SLC6A13: variants seen among roughly 807,000 people sequenced by gnomAD.
SLC6A13 encodes solute carrier family 6 member 13.
In SLC6A13, 69 loss-of-function variants were observed where a neutral mutation model predicts 72.9. That is an observed-to-expected ratio of 0.95 (90% CI 0.78 to 1.16). SLC6A13 has a LOEUF of 1.16. Ranked by LOEUF, SLC6A13 falls within the 50% of genes most tolerant of loss-of-function variation. The pLI is 0.00. For missense variants in SLC6A13, 735 were observed against 760.5 expected, an observed-to-expected ratio of 0.97 and a Z score of 0.39; for synonymous variants, 303 against 303.0, an observed-to-expected ratio of 1.00 and a Z score of 0.00.
intron 7 of SLC6A13, among the ~76,000 whole-genome samples, chr12:233,877 C>T (rs539637240): frequency 2.0e-4 from 31 of 152,234 alleles, no homozygotes; most frequent in Non-Finnish European, 3.1e-4. Context: ...TGAACCACAG[C>T]GGCTCCAGCT....
At chr12:225,783 A>T (rs1941424923) in intron 9 of SLC6A13, among the ~76,000 whole-genome samples, 1 of 152,228 alleles carries the variant, frequency 6.6e-6, no homozygotes, top group African/African-American at 2.4e-5. Flanking sequence ...AAGGTAAAAA[A>T]ATCATATTAT....
chr12:220,902 C>T lies in SLC6A13; in HGVS notation c.*46G>A, dbSNP rs767672511. ...TGCTTCTGCCACGTTCCCTCCACAG[C>T]CATCCCCAAGGCCAGGCACACAGGC... On this transcript the variant is annotated 3_prime_UTR_variant, in exon 15 of 15. Transcript: ENST00000343164. The T allele has an allele frequency of 3.1e-6, 5 of 1,605,878 alleles. No homozygotes were observed. The highest frequency in any genetic ancestry group is 1.1e-5 in the South Asian group (1 of 90,614).
chr12:260,061 G>A lies in SLC6A13; in HGVS notation c.-5-4C>T, dbSNP rs767317011. 6.2e-6 allele frequency: 10 copies of A among 1,610,604 alleles called. No individual in the cohort carries two copies. In the East Asian group the frequency reaches 2.2e-4, roughly 36 times the overall value. ...GAGACCCTGCTATCCATCCCACCTG[G>A]AAAACAAGTGGGATGCTCTGTTACT... On this transcript the variant is annotated splice_polypyrimidine_tract_variant and splice_region_variant and intron_variant, in intron 1 of 14. Coordinates refer to ENST00000343164, the MANE Select transcript of SLC6A13 (RefSeq NM_016615.5).
At chr12:246,267 G>A (rs749490521) in intron 2 of SLC6A13, among the ~76,000 whole-genome samples, 5 of 152,174 alleles carry the variant, frequency 3.3e-5, no homozygotes, top group African/African-American at 9.6e-5. Flanking sequence ...GCAGTGAACC[G>A]AGATCGCTCC....
intron 2 of SLC6A13, among the ~76,000 whole-genome samples, chr12:248,386 A>T (rs913866614): frequency 2.7e-5 from 4 of 147,068 alleles, no homozygotes; most frequent in African/African-American, 1.0e-4. Context: ...CCTAGGCGAC[A>T]GCAAGACTCC....
chr12:227,593 A>G lies in SLC6A13; in HGVS notation c.907T>C (p.Tyr303His), dbSNP rs1345550579. The change falls in exon 8 of 15, where the codon TAC becomes CAC. Residue 303 changes from tyrosine (Y) to histidine (H), a missense_variant. Coordinates refer to ENST00000343164, the MANE Select transcript of SLC6A13 (RefSeq NM_016615.5). ...CLGCLTALGS[Y>H]NKYHNNCYRD... ...TAGCAGTTGTTGTGGTACTTGTTGT[A>G]GCTGCCCAGGGCTGTCAGGCACCCA... 1 of 1,613,992 alleles carries G rather than the reference A, an allele frequency of 6.2e-7. No individual in the cohort carries two copies. The highest frequency in any genetic ancestry group is 8.5e-7 in the Non-Finnish European group (1 of 1,179,902).
At chr12:223,090 G>A (rs1162605549) in intron 12 of SLC6A13, 42 bp downstream of exon 12, 1 of 1,260,300 alleles carries the variant, frequency 7.9e-7, no homozygotes, top group South Asian at 1.2e-5. Flanking sequence ...AAGACCCTTA[G>A]ACAAGAGGAG....
intron 8 of SLC6A13, 155 bp downstream of exon 8, chr12:227,410 C>A (rs975274757): frequency 4.6e-6 from 4 of 872,538 alleles, no homozygotes; most frequent in African/African-American, 3.6e-5. Context: ...TGGCTCCTTG[C>A]AGCTCCTGGT....
chr12:243,868 C>T, intron 2 of SLC6A13, 55 bp from the exon 3 acceptor site: 1 of 1,569,374 alleles, frequency 6.4e-7, no homozygotes, highest in Non-Finnish European at 8.7e-7. Context: ...TCATGGTCTG[C>T]ATTCACCTCC....
intron 7 of SLC6A13, among the ~76,000 whole-genome samples, chr12:234,174 G>A (rs1032799773): frequency 1.3e-5 from 2 of 152,304 alleles, no homozygotes; most frequent in East Asian, 1.9e-4. Context: ...GGGCATAACC[G>A]GGTAACCACA....
intron 4 of SLC6A13, among the ~76,000 whole-genome samples, chr12:241,829 A>T (rs1399066768): frequency 6.6e-6 from 1 of 152,256 alleles, no homozygotes; most frequent in Non-Finnish European, 1.5e-5. Context: ...GCACAGGAGA[A>T]ATTGCAGATA....
intron 7 of SLC6A13, among the ~76,000 whole-genome samples, chr12:233,266 G>T (rs375217749): frequency 6.6e-6 from 1 of 152,128 alleles, no homozygotes; most frequent in Non-Finnish European, 1.5e-5. Flanking sequence ...GCTTACCCAC[G>T]CACCCCTCCG....
rs567537383 is a variant in SLC6A13, at chr12:243,653, T to C, written c.337+26A>G. On this transcript the variant is annotated intron_variant, in intron 3 of 14. Transcript: ENST00000343164. ...GTTTATAACCACGAATGAAGACGCT[T>C]TGGAGTCAGGTACAGAGCTACTCAC... The C allele has an allele frequency of 5.6e-6, 9 of 1,603,438 alleles. No homozygotes were observed. The East Asian group carries it at 1.6e-4, about 28-fold the overall frequency.
At chr12:247,445 C>T (rs482628) in intron 2 of SLC6A13, among the ~76,000 whole-genome samples, 151,490 of 152,304 alleles carry the variant, frequency 0.99, 75,341 homozygotes, top group East Asian at 1. Flanking sequence ...TTTGCTGAAG[C>T]AATAAAGGAG....
intron 9 of SLC6A13, among the ~76,000 whole-genome samples, chr12:226,022 G>T (rs563368107): frequency 4.6e-5 from 7 of 152,262 alleles, no homozygotes; most frequent in South Asian, 4.1e-4. Context: ...TTATCATTTG[G>T]TTTTTTAAGA....
In SLC6A13 at chr12:244,459, T is replaced by C. The variant is rs537297632; in HGVS notation, c.203-646A>G. 6.6e-5 allele frequency among the ~76,000 whole-genome samples: 10 copies of C among 152,148 alleles called. No homozygotes were observed. In the South Asian group the frequency reaches 2.1e-3, roughly 32 times the overall value. On this transcript the variant is annotated intron_variant, in intron 2 of 14. Coordinates refer to ENST00000343164, the MANE Select transcript of SLC6A13 (RefSeq NM_016615.5). ...ATCCCAGCACTTTGGGAGGCTGAGGTGGGAGGATCGCTTGAGCCCAGGACT... is the reference window on the plus strand; with the variant it reads ...ATCCCAGCACTTTGGGAGGCTGAGGCGGGAGGATCGCTTGAGCCCAGGACT...
intron 2 of SLC6A13, among the ~76,000 whole-genome samples, chr12:250,215 T>C (rs573236964): frequency 2.0e-4 from 31 of 152,316 alleles, no homozygotes; most frequent in African/African-American, 7.2e-4. Flanking sequence ...ACTGCTAAGA[T>C]TGAGAATAAA....
At chr12:223,699 A>G in intron 11 of SLC6A13, 1 of 390,610 alleles carries the variant, frequency 2.6e-6, no homozygotes, top group East Asian at 4.3e-5. Flanking sequence ...GGAAATCACC[A>G]GATCTTGCTG....
Position 259,919 on chromosome 12 carries a change from A to C in SLC6A13, c.134T>G (p.Val45Gly), listed in dbSNP as rs1478747003. ...WNNKMEFVLS[V>G]AGEIIGLGNV... The stretch of plus-strand genomic sequence containing the variant: ...GCCTAAGCCAATGATCTCCCCAGCC[A>C]CTGACAGCACAAACTCCATCTTGTT... The change falls in exon 2 of 15, where the codon GTG becomes GGG. Residue 45 changes from valine to glycine, a missense_variant. Coordinates refer to ENST00000343164, the MANE Select transcript of SLC6A13 (RefSeq NM_016615.5). The C allele has an allele frequency of 6.2e-7, 1 of 1,614,120 alleles. No homozygotes were observed. The highest frequency in any genetic ancestry group is 1.3e-5 in the African/African-American group (1 of 74,942).
Sources: gnomAD v4.1 joint callset for allele counts (sites outside exome capture counted in the v4.1 genomes callset) on GRCh38, gnomAD v4.1.1 for gene constraint, MANE v1.5 for transcripts, NCBI Gene and HGNC (gene_info 2026-07-23, HGNC 2026-07-21) for gene names.